The following CDH11 variants were observed in gnomAD, a reference collection of about 807,000 sequenced individuals.
The protein encoded by CDH11 is cadherin 11, also known as cadherin-11.
CDH11 carries 11 observed loss-of-function variants against 67.8 expected under a neutral mutation model. The ratio of observed to expected loss-of-function variants is 0.16; its 90% CI spans 0.10 to 0.27. The LOEUF (loss-of-function observed/expected upper bound fraction) is 0.27, where lower values mean the gene tolerates loss of function less well. Among genes scored for constraint, CDH11 ranks in the 10% least tolerant of loss-of-function variants. CDH11 has a pLI of 1.00. For synonymous variants in CDH11, 419 were observed against 400.0 expected, an observed-to-expected ratio of 1.05 and a Z score of -0.57; for missense variants, 847 against 1,031.2, an observed-to-expected ratio of 0.82 and a Z score of 2.45.
intron 2 of CDH11, among the ~76,000 whole-genome samples, chr16:65,021,992 A>T (rs1258363484): frequency 1.3e-5 from 2 of 152,092 alleles, no homozygotes; most frequent in African/African-American, 2.4e-5. Context: ...GAAAAAACTC[A>T]TTCTCTAAGA....
chr16:64,966,820 A>G (rs997695923), intron 11 of CDH11, among the ~76,000 whole-genome samples: 7 of 152,206 alleles, frequency 4.6e-5, no homozygotes, highest in Non-Finnish European at 1.0e-4. Flanking sequence ...ACATTAAAAC[A>G]TTAGGAAAAT....
intron 1 of CDH11, among the ~76,000 whole-genome samples, chr16:65,116,169 C>A (rs2142894866): frequency 6.6e-6 from 1 of 152,288 alleles, no homozygotes; most frequent in African/African-American, 2.4e-5. Flanking sequence ...ACATTGCCAG[C>A]AATCCGAGGC....
chr16:64,980,684 G>A (rs1218080414), intron 8 of CDH11, among the ~76,000 whole-genome samples: 2 of 152,090 alleles, frequency 1.3e-5, no homozygotes, highest in Non-Finnish European at 2.9e-5. Context: ...TTTGAAGAGG[G>A]AGACAACAGG....
At chr16:65,044,311 C>T (rs2073918593) in intron 2 of CDH11, among the ~76,000 whole-genome samples, 1 of 152,180 alleles carries the variant, frequency 6.6e-6, no homozygotes, top group Non-Finnish European at 1.5e-5. Flanking sequence ...TGTGACTTCT[C>T]CATTAGGAAC....
At chr16:65,067,479 C>A (rs187158651) in intron 1 of CDH11, among the ~76,000 whole-genome samples, 4 of 152,320 alleles carry the variant, frequency 2.6e-5, no homozygotes, top group Non-Finnish European at 5.9e-5. Flanking sequence ...CAAGAATTTT[C>A]TCTTCTTTGT....
intron 1 of CDH11, among the ~76,000 whole-genome samples, chr16:65,087,914 C>T (rs929304645): frequency 2.6e-5 from 4 of 151,878 alleles, no homozygotes; most frequent in Admixed American, 1.3e-4. Flanking sequence ...GGAAGAATAT[C>T]GTGGAAATGT....
intron 1 of CDH11, among the ~76,000 whole-genome samples, chr16:65,065,398 A>C (rs865951097): frequency 6.6e-6 from 1 of 152,226 alleles, no homozygotes; most frequent in Non-Finnish European, 1.5e-5. Flanking sequence ...GAACAGCATG[A>C]AATAATTTGA....
At chr16:65,076,685 C>A (rs545415972) in intron 1 of CDH11, among the ~76,000 whole-genome samples, 6 of 149,778 alleles carry the variant, frequency 4.0e-5, no homozygotes, top group Middle Eastern at 3.4e-3. Context: ...CCTAGCCCCC[C>A]ACCCCCCGAC....
chr16:64,988,390 G>T, intron 6 of CDH11, 46 bp from the exon 7 acceptor site: 1 of 1,477,384 alleles, frequency 6.8e-7, no homozygotes, highest in Non-Finnish European at 9.2e-7. Flanking sequence ...TTATTTGGCA[G>T]CTGTAAGACT....
At chr16:65,115,095 G>A (rs1427255653) in intron 1 of CDH11, among the ~76,000 whole-genome samples, 2 of 152,148 alleles carry the variant, frequency 1.3e-5, no homozygotes, top group Non-Finnish European at 2.9e-5. Context: ...AACCTGTGAT[G>A]AATATCTCAA....
chr16:65,086,091 C>T (rs2074693627), intron 1 of CDH11, among the ~76,000 whole-genome samples: 1 of 152,170 alleles, frequency 6.6e-6, no homozygotes, highest in Admixed American at 6.5e-5. Flanking sequence ...TTCCCTGTTT[C>T]AAAGGCATCA....
chr16:65,077,030 C>A (rs2074524907), intron 1 of CDH11, among the ~76,000 whole-genome samples: 1 of 152,144 alleles, frequency 6.6e-6, no homozygotes, highest in South Asian at 2.1e-4. Flanking sequence ...CCATTGAGGG[C>A]ATATCAGGAG....
intron 2 of CDH11, among the ~76,000 whole-genome samples, chr16:65,044,066 G>GA (rs1242804808): frequency 1.3e-5 from 2 of 152,168 alleles, no homozygotes; most frequent in Non-Finnish European, 2.9e-5. Context: ...TGTCCCTTTT[G>GA]AAAATGGATG....
At chr16:65,032,534 T>A (rs1427524446) in intron 2 of CDH11, among the ~76,000 whole-genome samples, 1 of 152,030 alleles carries the variant, frequency 6.6e-6, no homozygotes, top group African/African-American at 2.4e-5. Flanking sequence ...GCCCAAGTTC[T>A]GGCATCAAAC....
chr16:65,075,133 G>A (rs180904819), intron 1 of CDH11, among the ~76,000 whole-genome samples: 63 of 152,318 alleles, frequency 4.1e-4, no homozygotes, highest in African/African-American at 1.4e-3. Context: ...ATTTGTGGGT[G>A]TGCACTGCCA....
At chr16:65,112,316 T>A (rs1281326962) in intron 1 of CDH11, among the ~76,000 whole-genome samples, 2 of 152,146 alleles carry the variant, frequency 1.3e-5, no homozygotes, top group South Asian at 2.1e-4. Flanking sequence ...AAGGACCTGA[T>A]GGCAGAGTTT....
At chr16:65,031,057 C>T (rs916758488) in intron 2 of CDH11, among the ~76,000 whole-genome samples, 6 of 152,196 alleles carry the variant, frequency 3.9e-5, no homozygotes, top group Non-Finnish European at 5.9e-5. Flanking sequence ...CTTTCATCCT[C>T]TGAGTTGATA....
intron 1 of CDH11, among the ~76,000 whole-genome samples, chr16:65,057,497 C>T (rs1199807922): frequency 6.6e-6 from 1 of 152,132 alleles, no homozygotes; most frequent in Non-Finnish European, 1.5e-5. Context: ...ACCGTGAAGC[C>T]AGAGTGTATA....
At chr16:64,998,976 C>A in intron 3 of CDH11, 120 bp from the exon 4 acceptor site, 1 of 821,544 alleles carries the variant, frequency 1.2e-6, no homozygotes, top group African/African-American at 1.7e-5. Context: ...GAGATGTTCT[C>A]ATCTCCATTT....
Sources: gnomAD v4.1 joint callset for allele counts (sites outside exome capture counted in the v4.1 genomes callset) on GRCh38, gnomAD v4.1.1 for gene constraint, MANE v1.5 for transcripts, NCBI Gene and HGNC (gene_info 2026-07-23, HGNC 2026-07-21) for gene names.